Variants in RSPH14 observed in about 807,000 individuals in gnomAD.
RSPH14 encodes rhabdoid tumor deletion region gene 1.
Under a neutral mutation model 26.7 loss-of-function variants are expected in RSPH14, and 20 were observed. That is an observed-to-expected ratio of 0.75 (90% CI 0.53 to 1.09). The LOEUF (loss-of-function observed/expected upper bound fraction) is 1.09. RSPH14 is among the 50% of genes least tolerant of loss of function. The pLI, the probability that RSPH14 is intolerant of heterozygous loss-of-function variation, is 0.00. For missense variants in RSPH14, 449 were observed against 457.2 expected, an observed-to-expected ratio of 0.98 and a Z score of 0.16; for synonymous variants, 177 against 189.3, an observed-to-expected ratio of 0.93 and a Z score of 0.53.
At chr22:23,063,703 A>AT (rs1252861752) in intron 5 of RSPH14, among the ~76,000 whole-genome samples, 199 bp downstream of exon 5, 5 of 151,960 alleles carry the variant, frequency 3.3e-5, no homozygotes, top group Non-Finnish European at 7.4e-5. Context: ...GTTTCCTGGG[A>AT]TACAGTACAC....
the RSPH14 span, chr22:23,161,410 A>G: frequency 7.6e-6 from 9 of 1,188,684 alleles, no homozygotes; most frequent in Middle Eastern, 5.6e-4. Context: ...GCTTCAGCTC[A>G]CAGCTCTGAC....
chr22:23,086,171 A>C (rs1452043420), intron 4 of RSPH14, among the ~76,000 whole-genome samples: 1 of 152,256 alleles, frequency 6.6e-6, no homozygotes, highest in African/African-American at 2.4e-5. Context: ...AATTTAAAGA[A>C]AAATGCTGAG....
chr22:23,128,353 C>T (rs1411657438), intron 4 of RSPH14, among the ~76,000 whole-genome samples: 1 of 152,210 alleles, frequency 6.6e-6, no homozygotes, highest in Non-Finnish European at 1.5e-5. Context: ...CCCCTCTCAT[C>T]GGGCTGGGGA....
chr22:23,139,003 A>C, intron 2 of RSPH14, 61 bp from the exon 3 acceptor site: 1 of 1,405,848 alleles, frequency 7.1e-7, no homozygotes, highest in Non-Finnish European at 9.7e-7. Context: ...CTCAGAAACC[A>C]ACCAACCCAG....
chr22:23,110,324 A>G (rs2069609414), intron 4 of RSPH14, among the ~76,000 whole-genome samples: 2 of 152,188 alleles, frequency 1.3e-5, no homozygotes, highest in Admixed American at 1.3e-4. Flanking sequence ...ACTGGAGGGC[A>G]TCACGGCAGC....
chr22:23,103,094 G>A (rs1305834349), intron 4 of RSPH14, among the ~76,000 whole-genome samples: 1 of 152,176 alleles, frequency 6.6e-6, no homozygotes, highest in African/African-American at 2.4e-5. Flanking sequence ...GCTAGTGGTG[G>A]CAGAGCCTCC....
chr22:23,086,883 C>T lies in RSPH14; in HGVS notation c.422-22750G>A, dbSNP rs111638943. On this transcript the variant is annotated intron_variant, in intron 4 of 6. Coordinates refer to ENST00000216036, the MANE Select transcript of RSPH14 (RefSeq NM_014433.3). ...CTCCTCAGCAACAGAGAGCTGCCAC[C>T]GAGGAGGCCCCTACAGGTCCAGGCC... Among the ~76,000 whole-genome samples the T allele has an allele frequency of 4.4e-3, 669 of 152,290 alleles. 7 individuals carry two copies. Among genetic ancestry groups the T allele is most frequent in the African/African-American group, 0.015 (638 of 41,562 alleles).
At chr22:23,133,793 T>C (rs1461892572) in intron 4 of RSPH14, 2 of 397,130 alleles carry the variant, frequency 5.0e-6, no homozygotes, top group Non-Finnish European at 1.0e-5. Flanking sequence ...TTTCACCATA[T>C]TGGCCAGGCT....
At chr22:23,145,548 G>C, upstream of RSPH14, 1 of 1,600,314 alleles carries the variant, frequency 6.2e-7, no homozygotes, top group Non-Finnish European at 8.5e-7. Flanking sequence ...CACAGCCATC[G>C]CTGGTGAGTC....
chr22:23,127,976 C>T (rs1392287739), intron 4 of RSPH14, among the ~76,000 whole-genome samples: 1 of 152,142 alleles, frequency 6.6e-6, no homozygotes, highest in Non-Finnish European at 1.5e-5. Context: ...CATCTCCACC[C>T]CCGGGCTGCA....
At chr22:23,159,514 C>T in the RSPH14 span, among the ~76,000 whole-genome samples, 1 of 152,242 alleles carries the variant, frequency 6.6e-6, no homozygotes, top group Non-Finnish European at 1.5e-5. Flanking sequence ...TGTGTCATGC[C>T]GTGCTGGCCT....
chr22:23,077,793 G>A (rs1380822128), intron 4 of RSPH14, among the ~76,000 whole-genome samples: 2 of 152,176 alleles, frequency 1.3e-5, no homozygotes, highest in East Asian at 1.9e-4. Flanking sequence ...CTGACTATGG[G>A]TGGGAGAACT....
upstream of RSPH14, chr22:23,146,698 T>C: frequency 6.2e-7 from 1 of 1,613,300 alleles, no homozygotes; most frequent in Non-Finnish European, 8.5e-7. Flanking sequence ...AGAGAGTCAT[T>C]ACGTCTGCAG....
chr22:23,140,075 T>G, intron 2 of RSPH14, 147 bp downstream of exon 2: 2 of 958,086 alleles, frequency 2.1e-6, no homozygotes, highest in Non-Finnish European at 3.0e-6. Flanking sequence ...TAAACATTTT[T>G]TAAAAAGAAC....
the RSPH14 span, chr22:23,161,480 T>G: frequency 3.1e-6 from 5 of 1,593,876 alleles, no homozygotes; most frequent in Non-Finnish European, 4.3e-6. Context: ...GATGCTAAAT[T>G]ACTTCTCCCC....
chr22:23,156,744 C>T, the RSPH14 span, among the ~76,000 whole-genome samples: 1 of 152,228 alleles, frequency 6.6e-6, no homozygotes, highest in African/African-American at 2.4e-5. Flanking sequence ...AACCAGGCAG[C>T]CCTCAGCCGT....
intron 4 of RSPH14, among the ~76,000 whole-genome samples, chr22:23,086,469 G>T (rs571233771): frequency 6.6e-6 from 1 of 152,214 alleles, no homozygotes; most frequent in African/African-American, 2.4e-5. Flanking sequence ...CTCCAGCCAC[G>T]GGCCTCTGGA....
At chr22:23,126,650 T>C (rs1569190618) in intron 4 of RSPH14, among the ~76,000 whole-genome samples, 1 of 152,178 alleles carries the variant, frequency 6.6e-6, no homozygotes, top group Non-Finnish European at 1.5e-5. Flanking sequence ...CCAGGAGTCT[T>C]AGCCAACGGG....
At chr22:23,116,378 C>G (rs954287998) in intron 4 of RSPH14, among the ~76,000 whole-genome samples, 41 of 152,252 alleles carry the variant, frequency 2.7e-4, no homozygotes, top group African/African-American at 9.6e-4. Flanking sequence ...GATGACGTGG[C>G]TACGCGCCTG....
Sources: allele counts gnomAD v4.1 joint callset (sites outside exome capture counted in the v4.1 genomes callset), GRCh38; gene constraint gnomAD v4.1.1; transcripts MANE v1.5; gene names NCBI Gene and HGNC (gene_info 2026-07-23, HGNC 2026-07-21).